MNAT1: variants seen among roughly 807,000 people sequenced by gnomAD.
The protein encoded by MNAT1 is MNAT1 component of CDK activating kinase, also known as CDK-activating kinase assembly factor MAT1.
Under a neutral mutation model 42.0 loss-of-function variants are expected in MNAT1, and 43 were observed. That is an observed-to-expected ratio of 1.02 (90% CI 0.80 to 1.32). MNAT1 has a LOEUF of 1.32. Ranked by LOEUF, MNAT1 falls within the 40% of genes most tolerant of loss-of-function variation. The pLI is 0.00. For missense variants in MNAT1, 306 were observed against 350.4 expected (o/e 0.87, Z 1.01); for synonymous variants, 118 against 120.0 (o/e 0.98, Z 0.11).
intron 1 of MNAT1, among the ~76,000 whole-genome samples, chr14:60,787,393 G>A (rs983689137): frequency 6.6e-5 from 10 of 152,090 alleles, no homozygotes; most frequent in Non-Finnish European, 8.8e-5. Context: ...AATCATCTGA[G>A]CCTTCGAAAG....
At chr14:60,827,552 A>C (rs550107348) in intron 6 of MNAT1, among the ~76,000 whole-genome samples, 20 of 152,328 alleles carry the variant, frequency 1.3e-4, no homozygotes, top group Non-Finnish European at 1.9e-4. Context: ...GTAAAGCCAT[A>C]AGTTTGTGCC....
intron 7 of MNAT1, among the ~76,000 whole-genome samples, chr14:60,913,724 T>A (rs1310440428): frequency 6.6e-6 from 1 of 152,180 alleles, no homozygotes; most frequent in Non-Finnish European, 1.5e-5. Context: ...GTGTGAGGTG[T>A]CAGTCTGCCC....
chr14:60,967,119 C>T (rs888389653), intron 7 of MNAT1, among the ~76,000 whole-genome samples: 5 of 152,284 alleles, frequency 3.3e-5, no homozygotes, highest in South Asian at 2.1e-4. Context: ...ATTCCAGGAA[C>T]TTAGCTGCAT....
intron 7 of MNAT1, among the ~76,000 whole-genome samples, chr14:60,926,504 G>T (rs2035768626): frequency 6.6e-6 from 1 of 152,162 alleles, no homozygotes; most frequent in Non-Finnish European, 1.5e-5. Context: ...TGATTAATTT[G>T]CTAGGGCGGC....
Position 60,812,040 on chromosome 14 carries a change from T to G in MNAT1, c.474T>G (p.Asn158Lys), listed in dbSNP as rs755692118. The change falls in exon 5 of 8, where the codon AAT (asparagine) becomes AAG (lysine). Residue 158 changes from asparagine to lysine, a missense_variant. Physicochemically the swap from Asn to Lys is moderately conservative, Grantham distance 94 (BLOSUM62 0). Around this residue, in one of 3 missense-constraint regions of MNAT1, gnomAD observed 118 missense variants for 99.8 expected, o/e 1.18. Coordinates refer to ENST00000261245, the MANE Select transcript of MNAT1 (RefSeq NM_002431.4). ...CTTTAGAAGTGGAACGACAGGAAAA[T>G]GAACAAAGAAGATTATTTATACAAA... is the stretch of plus-strand genomic sequence containing the variant. Reference protein sequence around the residue: ...EEALEVERQENEQRRLFIQKE... With the variant: ...EEALEVERQEKEQRRLFIQKE... 2.5e-6 allele frequency: 4 copies of G among 1,604,392 alleles called. No individual in the cohort carries two copies. In the East Asian group the frequency reaches 8.9e-5, roughly 36 times the overall value.
In MNAT1 at chr14:60,894,342, G is replaced by C. The variant is rs531900121; in HGVS notation, c.809+14507G>C. Among the ~76,000 whole-genome samples, 6 of 151,356 alleles carry C rather than the reference G, an allele frequency of 4.0e-5. No individual in the cohort carries two copies. In the South Asian group the frequency reaches 6.3e-4, roughly 16 times the overall value. On this transcript the variant is annotated intron_variant, in intron 7 of 7. Coordinates refer to ENST00000261245, the MANE Select transcript of MNAT1 (RefSeq NM_002431.4). The stretch of plus-strand genomic sequence containing the variant: ...GTGCTTCATTATTGCTGATTTTATT[G>C]GGTCTGTTTCATGGAATATCCTCCT...
intron 1 of MNAT1, among the ~76,000 whole-genome samples, chr14:60,759,469 A>G (rs2030504786): frequency 6.6e-6 from 1 of 152,202 alleles, no homozygotes; most frequent in Admixed American, 6.5e-5. Context: ...TCATGTAAAA[A>G]TTTGGATCTC....
intron 7 of MNAT1, among the ~76,000 whole-genome samples, chr14:60,912,944 C>A (rs931232038): frequency 1.3e-5 from 2 of 152,200 alleles, no homozygotes; most frequent in Non-Finnish European, 2.9e-5. Flanking sequence ...TCCATTCTCC[C>A]CGTCACTTTC....
chr14:60,884,161 A>G (rs1299873228), intron 7 of MNAT1, among the ~76,000 whole-genome samples: 1 of 152,054 alleles, frequency 6.6e-6, no homozygotes, highest in Non-Finnish European at 1.5e-5. Flanking sequence ...TAGAAGAAAG[A>G]CTTTCAGTTT....
At chr14:60,944,703 C>T (rs992154314) in intron 7 of MNAT1, among the ~76,000 whole-genome samples, 2 of 152,048 alleles carry the variant, frequency 1.3e-5, no homozygotes, top group African/African-American at 4.8e-5. Flanking sequence ...ACAAGAAGTG[C>T]CTAAATTATA....
At chr14:60,955,955 A>G (rs1375341708) in intron 7 of MNAT1, among the ~76,000 whole-genome samples, 3 of 152,024 alleles carry the variant, frequency 2.0e-5, no homozygotes, top group Non-Finnish European at 4.4e-5. Context: ...TAAAAAAACC[A>G]ACTTTTAGTT....
chr14:60,937,740 A>C (rs1378014900), intron 7 of MNAT1, among the ~76,000 whole-genome samples: 1 of 152,030 alleles, frequency 6.6e-6, no homozygotes, highest in Non-Finnish European at 1.5e-5. Flanking sequence ...TATGAACTTT[A>C]AAGTAGTTTT....
intron 7 of MNAT1, chr14:60,880,043 C>T (rs1192248170): frequency 5.8e-6 from 2 of 344,570 alleles, no homozygotes; most frequent in South Asian, 1.0e-4. Flanking sequence ...GCCTGGAATA[C>T]ATTCGTTCTT....
intron 7 of MNAT1, among the ~76,000 whole-genome samples, chr14:60,958,830 G>A (rs887252907): frequency 4.0e-5 from 6 of 151,700 alleles, no homozygotes; most frequent in Admixed American, 6.6e-5. Flanking sequence ...TGGTAGAGAC[G>A]GAGTTTCACT....
intron 7 of MNAT1, among the ~76,000 whole-genome samples, chr14:60,898,130 TGTGTGTGTGTGC>T (rs200407805): frequency 0.04 from 3,829 of 95,358 alleles, 85 homozygotes; most frequent in East Asian, 0.091. Context: ...TGTGTGTGTG[TGTGTGTGTGTGC>T]GCGCGCCACA....
At chr14:60,822,450 C>T (rs1208620686) in intron 6 of MNAT1, among the ~76,000 whole-genome samples, 1 of 152,024 alleles carries the variant, frequency 6.6e-6, no homozygotes, top group African/African-American at 2.4e-5. Flanking sequence ...TTTTTAGAGA[C>T]AGGATCTTGT....
intron 7 of MNAT1, among the ~76,000 whole-genome samples, chr14:60,899,782 G>A (rs987470792): frequency 5.3e-5 from 8 of 152,054 alleles, no homozygotes; most frequent in Admixed American, 1.3e-4. Context: ...ATTGCATTTC[G>A]TTTTATTACT....
chr14:60,867,089 C>A (rs998231716), intron 6 of MNAT1, among the ~76,000 whole-genome samples: 3 of 152,036 alleles, frequency 2.0e-5, no homozygotes, highest in African/African-American at 7.2e-5. Context: ...GAAACATTTT[C>A]AGAGACTTGG....
chr14:60,958,829 C>T (rs1055798498), intron 7 of MNAT1, among the ~76,000 whole-genome samples: 18 of 151,910 alleles, frequency 1.2e-4, no homozygotes, highest in African/African-American at 7.2e-5. Context: ...TTGGTAGAGA[C>T]GGAGTTTCAC....
Sources: allele counts gnomAD v4.1 joint callset (sites outside exome capture counted in the v4.1 genomes callset), GRCh38; gene constraint gnomAD v4.1.1; regional missense constraint gnomAD v4.1.1; transcripts MANE v1.5; gene names NCBI Gene and HGNC (gene_info 2026-07-23, HGNC 2026-07-21).